Variants in TENM2 observed in about 807,000 individuals in gnomAD.
TENM2 encodes the protein teneurin-2.
TENM2 carries 52 observed loss-of-function variants against 245.2 expected under a neutral mutation model. The observed-to-expected ratio is 0.21, with a 90% CI of 0.17 to 0.27. The LOEUF is 0.27. Among genes scored for constraint, TENM2 ranks in the 10% least tolerant of loss-of-function variants. The pLI, the probability that TENM2 is intolerant of heterozygous loss-of-function variation, is 1.00. For synonymous variants in TENM2, 1,363 were observed against 1,438.9 expected (o/e 0.95, Z 1.19); for missense variants, 3,046 against 3,666.8 (o/e 0.83, Z 4.37).
intron 2 of TENM2, among the ~76,000 whole-genome samples, chr5:167,725,783 A>C (rs1759960439): frequency 6.6e-6 from 1 of 152,102 alleles, no homozygotes; most frequent in South Asian, 2.1e-4. Context: ...GTCACGCTTA[A>C]GCTCCTCCCA....
At chr5:167,756,080 C>T (rs1762292591) in intron 2 of TENM2, among the ~76,000 whole-genome samples, 1 of 152,156 alleles carries the variant, frequency 6.6e-6, no homozygotes, top group Non-Finnish European at 1.5e-5. Context: ...GCAAAAGACT[C>T]ATCCAGGGCC....
At chr5:167,776,583 G>T (rs1270895579) in intron 2 of TENM2, among the ~76,000 whole-genome samples, 1 of 86,376 alleles carries the variant, frequency 1.2e-5, no homozygotes, top group African/African-American at 5.0e-5. Flanking sequence ...CAGCAGATGA[G>T]ACCCTGTCTG....
At chr5:167,048,746 T>C in the TENM2 span, among the ~76,000 whole-genome samples, 4 of 152,182 alleles carry the variant, frequency 2.6e-5, no homozygotes, top group South Asian at 2.1e-4. Context: ...ACCTTTTATC[T>C]TGAGTTACTT....
chr5:167,759,475 C>T (rs1369725672), intron 2 of TENM2, among the ~76,000 whole-genome samples: 3 of 152,068 alleles, frequency 2.0e-5, no homozygotes, highest in South Asian at 4.1e-4. Flanking sequence ...AAGCCTTGCA[C>T]GCTGTCATAA....
chr5:167,280,763 TATC>T (rs1771003119), upstream of TENM2, among the ~76,000 whole-genome samples: 3 of 130,134 alleles, frequency 2.3e-5, no homozygotes, highest in Admixed American at 2.3e-4. Flanking sequence ...TCTGTCTATC[TATC>T]TATCTATCTA....
chr5:167,045,396 T>G, the TENM2 span, among the ~76,000 whole-genome samples: 7 of 152,142 alleles, frequency 4.6e-5, no homozygotes, highest in African/African-American at 1.7e-4. Context: ...ATTCTAAGTG[T>G]TCATAAATGC....
At chr5:167,685,550 T>C (rs543828770) in intron 2 of TENM2, among the ~76,000 whole-genome samples, 1 of 152,314 alleles carries the variant, frequency 6.6e-6, no homozygotes, top group South Asian at 2.1e-4. Context: ...ATACTGCTGG[T>C]TCATTGATAT....
At chr5:167,658,889 C>T (rs980758042) in intron 2 of TENM2, among the ~76,000 whole-genome samples, 3 of 152,104 alleles carry the variant, frequency 2.0e-5, no homozygotes, top group Admixed American at 6.5e-5. Flanking sequence ...ATCAATCCTC[C>T]CTTTGAGTTC....
chr5:167,413,557 C>T (rs753988097), intron 2 of TENM2, among the ~76,000 whole-genome samples: 2 of 152,130 alleles, frequency 1.3e-5, no homozygotes, highest in Non-Finnish European at 2.9e-5. Flanking sequence ...GGCTCACATA[C>T]CTGAGGTATT....
chr5:168,257,311 G>A (rs190847651), intron 27 of TENM2, among the ~76,000 whole-genome samples: 4 of 152,294 alleles, frequency 2.6e-5, no homozygotes, highest in Middle Eastern at 3.4e-3. Context: ...TGGCCTTACC[G>A]GGCAGGCAGA....
chr5:167,616,659 AAG>A (rs1360862100), intron 2 of TENM2, among the ~76,000 whole-genome samples: 1 of 151,924 alleles, frequency 6.6e-6, no homozygotes, highest in Admixed American at 6.6e-5. Context: ...GGAAGGGAGG[AAG>A]AGAGAGAAGG....
At chr5:167,693,761 T>C (rs1294941478) in intron 2 of TENM2, among the ~76,000 whole-genome samples, 7 of 151,940 alleles carry the variant, frequency 4.6e-5, no homozygotes, top group South Asian at 4.1e-4. Context: ...AAAACCAATA[T>C]GTACATAGAT....
chr5:167,584,425 C>A (rs900695615), intron 2 of TENM2, among the ~76,000 whole-genome samples: 2 of 152,138 alleles, frequency 1.3e-5, no homozygotes, highest in African/African-American at 2.4e-5. Flanking sequence ...TACAAAGTTA[C>A]ACTCTCTGCA....
chr5:167,710,377 G>C (rs1315712901), intron 2 of TENM2, among the ~76,000 whole-genome samples: 3 of 152,152 alleles, frequency 2.0e-5, no homozygotes, highest in African/African-American at 7.2e-5. Flanking sequence ...AAACAGAGAA[G>C]TCACATTCTT....
chr5:167,878,411 T>C (rs1480766608), intron 3 of TENM2, among the ~76,000 whole-genome samples: 1 of 152,172 alleles, frequency 6.6e-6, no homozygotes, highest in African/African-American at 2.4e-5. Flanking sequence ...TTTCTTCAAC[T>C]GAGGGAGTGA....
the TENM2 span, among the ~76,000 whole-genome samples, chr5:167,219,812 G>A: frequency 2.0e-5 from 3 of 152,260 alleles, no homozygotes; most frequent in East Asian, 3.9e-4. Context: ...GCTGCACATC[G>A]TTTGAAAGCA....
At chr5:167,437,558 T>C (rs778607879) in intron 2 of TENM2, among the ~76,000 whole-genome samples, 9 of 152,096 alleles carry the variant, frequency 5.9e-5, no homozygotes, top group Non-Finnish European at 8.8e-5. Flanking sequence ...GGTTTTGGAA[T>C]GTGAGGACAT....
chr5:168,036,411 C>T (rs753171800), intron 5 of TENM2, among the ~76,000 whole-genome samples: 6 of 151,908 alleles, frequency 3.9e-5, no homozygotes, highest in South Asian at 4.2e-4. Context: ...CCGAGGCAGG[C>T]GGATCACCTG....
intron 2 of TENM2, among the ~76,000 whole-genome samples, chr5:167,488,598 T>C (rs1768231115): frequency 6.6e-6 from 1 of 152,184 alleles, no homozygotes; most frequent in South Asian, 2.1e-4. Flanking sequence ...CTCTTAGTGC[T>C]GGAGCTCACC....
Sources: allele counts gnomAD v4.1 joint callset (sites outside exome capture counted in the v4.1 genomes callset), GRCh38; gene constraint gnomAD v4.1.1; transcripts MANE v1.5; gene names NCBI Gene and HGNC (gene_info 2026-07-23, HGNC 2026-07-21).